The following MYO3B variants were observed in gnomAD, a reference collection of about 807,000 sequenced individuals.
The protein encoded by MYO3B is myosin-IIIb.
Under a neutral mutation model 174.6 loss-of-function variants are expected in MYO3B, and 156 were observed. The ratio of observed to expected loss-of-function variants is 0.89; its 90% CI spans 0.78 to 1.02. MYO3B has a LOEUF of 1.02. Among genes scored for constraint, MYO3B ranks in the 50% least tolerant of loss-of-function variants. The probability of loss-of-function intolerance (pLI) is 0.00; values close to 1 mark genes in which losing one functional copy is unlikely to be tolerated. For synonymous variants in MYO3B, 563 were observed against 569.1 expected, an observed-to-expected ratio of 0.99 and a Z score of 0.15; for missense variants, 1,632 against 1,639.4, an observed-to-expected ratio of 1.00 and a Z score of 0.08.
intron 9 of MYO3B, among the ~76,000 whole-genome samples, chr2:170,372,884 A>C (rs926425732): frequency 3.3e-5 from 5 of 152,152 alleles, no homozygotes; most frequent in African/African-American, 1.2e-4. Context: ...GGCAAGGCAC[A>C]AGGGCTAGAG....
Position 170,463,434 on chromosome 2 carries a change from T to A in MYO3B, c.2797T>A (p.Ser933Thr), listed in dbSNP as rs1684431390. ...TTNMKRQTVA[S>T]YFRYSLMDLL... ...CAACATGAAGAGGCAAACTGTGGCT[T>A]CTTACTTCCGGGTATGGAGTCTTCT... The change falls in exon 24 of 35, where the codon TCT (serine) becomes ACT (threonine). Residue 933 changes from serine (S) to threonine (T), a missense_variant. Physicochemically the swap from Ser to Thr is moderately conservative, Grantham distance 58 (BLOSUM62 1). Transcript: ENST00000408978. 1 of 1,614,002 alleles carries A rather than the reference T, an allele frequency of 6.2e-7. No individual in the cohort carries two copies. Among genetic ancestry groups the A allele is most frequent in the Admixed American group, 1.7e-5 (1 of 60,002 alleles).
chr2:170,548,106 CAAAAAAAAAAAAAAAAAA>C (rs10532249), intron 32 of MYO3B, among the ~76,000 whole-genome samples: 4 of 51,684 alleles, frequency 7.7e-5, no homozygotes, highest in South Asian at 1.0e-3. Flanking sequence ...GACTCCGTCT[CAAAAAAAAAAAAAAAAAA>C]AAAAAAAAAA....
At chr2:170,414,547 G>A (rs949267807) in intron 22 of MYO3B, among the ~76,000 whole-genome samples, 2 of 152,116 alleles carry the variant, frequency 1.3e-5, no homozygotes, top group African/African-American at 4.8e-5. Flanking sequence ...TTTTCAAAAT[G>A]GTTTTGGCTG....
At chr2:170,584,402 G>A (rs1440440386) in intron 32 of MYO3B, among the ~76,000 whole-genome samples, 1 of 152,078 alleles carries the variant, frequency 6.6e-6, no homozygotes, top group East Asian at 1.9e-4. Context: ...CTATCAACTG[G>A]TTGATTTAAT....
At chr2:170,324,611 T>C (rs761329317) in intron 7 of MYO3B, among the ~76,000 whole-genome samples, 1 of 152,356 alleles carries the variant, frequency 6.6e-6, no homozygotes, top group South Asian at 2.1e-4. Flanking sequence ...GTAACATTCC[T>C]GGCCTCTCTC....
rs565207316 is a variant in MYO3B at position 170,625,369 on chromosome 2, A to G, written c.3734-26259A>G. On this transcript the variant is annotated intron_variant, in intron 32 of 34. Coordinates refer to ENST00000408978, the MANE Select transcript of MYO3B (RefSeq NM_138995.5). The stretch of plus-strand genomic sequence containing the variant: ...TTATTTGCATAGAGGTGTTTATAGT[A>G]TTCTCTGATGGTAGTTTGTATTTCT... 3.7e-4 allele frequency among the ~76,000 whole-genome samples: 57 copies of G among 152,254 alleles called. No individual in the cohort carries two copies. In the South Asian group the frequency reaches 0.012, roughly 32 times the overall value.
chr2:170,289,387 T>C (rs879362864), intron 7 of MYO3B, among the ~76,000 whole-genome samples: 1 of 152,098 alleles, frequency 6.6e-6, no homozygotes, highest in Non-Finnish European at 1.5e-5. Flanking sequence ...CTTCTTCTCA[T>C]TAACAATTAT....
intron 8 of MYO3B, chr2:170,345,060 T>A (rs1448149837): frequency 6.6e-6 from 1 of 152,244 alleles, no homozygotes; most frequent in East Asian, 1.9e-4. Flanking sequence ...CCCAGCTTCT[T>A]GCCTGCTCTT....
intron 1 of MYO3B, 92 bp downstream of exon 1, chr2:170,178,381 G>T: frequency 1.3e-6 from 2 of 1,525,942 alleles, no homozygotes; most frequent in South Asian, 1.1e-5. Context: ...CTGGCTGGTG[G>T]GCAGTGGAGG....
At chr2:170,649,647 T>C (rs1367764470) in intron 32 of MYO3B, among the ~76,000 whole-genome samples, 1 of 150,164 alleles carries the variant, frequency 6.7e-6, no homozygotes, top group Non-Finnish European at 1.5e-5. Context: ...GCCAACATGA[T>C]GAAACCCCAT....
intron 30 of MYO3B, among the ~76,000 whole-genome samples, chr2:170,540,974 G>A (rs1690067190): frequency 1.3e-5 from 2 of 152,126 alleles, no homozygotes; most frequent in Non-Finnish European, 2.9e-5. Flanking sequence ...TTATTTGCCT[G>A]TAGACACTAC....
chr2:170,192,976 T>C (rs2161915), intron 1 of MYO3B, among the ~76,000 whole-genome samples: 77,252 of 151,518 alleles, frequency 0.51, 20,715 homozygotes, highest in East Asian at 0.84. Context: ...TTAAAATATC[T>C]CATTAGTGCT....
intron 32 of MYO3B, among the ~76,000 whole-genome samples, chr2:170,649,277 AAAT>A (rs1408334118): frequency 2.7e-5 from 2 of 74,648 alleles, no homozygotes; most frequent in Admixed American, 4.7e-4. Flanking sequence ...ATTATATATA[AAAT>A]AATATATATT....
chr2:170,501,541 G>A (rs375991276), intron 27 of MYO3B, among the ~76,000 whole-genome samples: 10 of 152,286 alleles, frequency 6.6e-5, no homozygotes, highest in Admixed American at 2.0e-4. Flanking sequence ...GTGGAACCCA[G>A]AGTGTTCTGG....
intron 9 of MYO3B, among the ~76,000 whole-genome samples, chr2:170,370,077 AATT>A (rs934763640): frequency 6.6e-6 from 1 of 152,136 alleles, no homozygotes; most frequent in African/African-American, 2.4e-5. Context: ...ATAGATCTTC[AATT>A]TCTGTCCAGA....
chr2:170,455,229 C>G, intron 23 of MYO3B, among the ~76,000 whole-genome samples: 1 of 152,178 alleles, frequency 6.6e-6, no homozygotes, highest in South Asian at 2.1e-4. Context: ...TGGGAAAGGG[C>G]TGTTATTGTC....
chr2:170,444,107 A>G, intron 23 of MYO3B, 61 bp downstream of exon 23: 1 of 1,435,394 alleles, frequency 7.0e-7, no homozygotes, highest in Non-Finnish European at 9.8e-7. Flanking sequence ...ACCCAGGGAT[A>G]ATCTTAGAGT....
rs930367352 is a variant in MYO3B, at chr2:170,466,635, A to T, written c.2938A>T (p.Thr980Ser). The T allele has an allele frequency of 1.9e-6, 3 of 1,614,226 alleles. No individual in the cohort carries two copies. Among genetic ancestry groups the T allele is most frequent in the Admixed American group, 1.7e-5 (1 of 60,026 alleles). The change falls in exon 25 of 35, where the codon ACA (threonine) becomes TCA (serine). Residue 980 changes from threonine (T) to serine (S), a missense_variant. Thr to Ser is a moderately conservative substitution (Grantham distance 58). Coordinates refer to ENST00000408978, the MANE Select transcript of MYO3B (RefSeq NM_138995.5). The part of the protein sequence containing the change: ...RERVLAQLRS[T>S]GILETVSIRR... ...GAGGGTGCTGGCCCAGCTCCGCTCC[A>T]CAGGGATTCTGGAGACAGTCAGCAT... is the stretch of plus-strand genomic sequence containing the variant.
At chr2:170,553,925 T>G (rs1320579075) in intron 32 of MYO3B, among the ~76,000 whole-genome samples, 1 of 152,186 alleles carries the variant, frequency 6.6e-6, no homozygotes, top group African/African-American at 2.4e-5. Context: ...CCCTCTGTCC[T>G]GCTGACATGT....
Sources: allele counts gnomAD v4.1 joint callset (sites outside exome capture counted in the v4.1 genomes callset), GRCh38; gene constraint gnomAD v4.1.1; transcripts MANE v1.5; gene names NCBI Gene and HGNC (gene_info 2026-07-23, HGNC 2026-07-21).